The following ST8SIA5 variants were observed in gnomAD, a reference collection of about 807,000 sequenced individuals.
ST8SIA5 encodes the protein ST8 alpha-N-acetyl-neuraminide alpha-2,8-sialyltransferase 5, also known as alpha-2,8-sialyltransferase 8E.
ST8SIA5 carries 24 observed loss-of-function variants against 40.2 expected under a neutral mutation model. The observed-to-expected ratio is 0.60, with a 90% CI of 0.43 to 0.84. The LOEUF is 0.84. ST8SIA5 is among the 40% of genes least tolerant of loss of function. The pLI is 0.00. For missense variants in ST8SIA5, 465 were observed against 498.5 expected (o/e 0.93, Z 0.64); for synonymous variants, 198 against 201.8 (o/e 0.98, Z 0.16).
At chr18:46,752,137 G>A (rs571867319) in intron 1 of ST8SIA5, among the ~76,000 whole-genome samples, 2 of 152,194 alleles carry the variant, frequency 1.3e-5, no homozygotes, top group African/African-American at 2.4e-5. Flanking sequence ...GCTCAAACTC[G>A]GTTTCATCCC....
At chr18:46,751,361 G>GATTTATTT (rs35587275) in intron 1 of ST8SIA5, among the ~76,000 whole-genome samples, 1 of 150,778 alleles carries the variant, frequency 6.6e-6, no homozygotes, top group African/African-American at 2.4e-5. Flanking sequence ...AAGTAGAATG[G>GATTTATTT]ATTTATTTAT....
intron 1 of ST8SIA5, among the ~76,000 whole-genome samples, chr18:46,725,959 T>TAAA (rs72220502): frequency 0.026 from 445 of 17,096 alleles, 60 homozygotes; most frequent in East Asian, 0.036. Flanking sequence ...CATCTCTACT[T>TAAA]AAAAAAAAAA....
chr18:46,693,790 A>G (rs2039529754), intron 2 of ST8SIA5, among the ~76,000 whole-genome samples: 1 of 152,082 alleles, frequency 6.6e-6, no homozygotes, highest in Non-Finnish European at 1.5e-5. Context: ...ATAGTCGCTC[A>G]CCCTTCTTAT....
intron 5 of ST8SIA5, among the ~76,000 whole-genome samples, chr18:46,682,431 C>T (rs566626265): frequency 1.3e-5 from 2 of 152,304 alleles, no homozygotes; most frequent in African/African-American, 2.4e-5. Flanking sequence ...GGAAGCAATG[C>T]TTGAGCAGAG....
At chr18:46,712,304 C>T (rs2039740586) in intron 1 of ST8SIA5, among the ~76,000 whole-genome samples, 1 of 152,164 alleles carries the variant, frequency 6.6e-6, no homozygotes, top group Non-Finnish European at 1.5e-5. Context: ...CCACAGGCAC[C>T]CTAGCCAAGA....
At position 46,704,617 on chromosome 18, in the gene ST8SIA5, C is replaced by G. The variant is rs765662196; in HGVS notation, c.179G>C (p.Cys60Ser). The G allele has an allele frequency of 1.9e-6, 3 of 1,614,018 alleles. No homozygotes were observed. The African/African-American group carries it at 4.0e-5, about 22-fold the overall frequency. Residue 60 changes from cysteine to serine, a missense_variant, in exon 2 of 7, where the codon TGC (cysteine) becomes TCC (serine). Physicochemically the swap from Cys to Ser is moderately radical, Grantham distance 112 (BLOSUM62 -1). Transcript: ENST00000315087. ...EGPFEYNSTR[C>S]LELRHEILEV... ...CAATATTTCGTGCCTCAGCTCCAGG[C>G]ATCTTGTGGAGTTATATTCAAAAGG...
Position 46,756,280 on chromosome 18 carries a change from C to T in ST8SIA5, c.131+98G>A, listed in dbSNP as rs1011242983. ...GCTAGGAGCGGACCCCACGGCCACT[C>T]ACCCCGGGGCGCTGCGACCGAAGCT... On this transcript the variant is annotated intron_variant, in intron 1 of 6. Coordinates refer to ENST00000315087, the MANE Select transcript of ST8SIA5 (RefSeq NM_013305.6). 46 of 1,515,440 alleles carry T rather than the reference C, an allele frequency of 3.0e-5. 1 individual carries two copies. In the South Asian group the frequency reaches 5.9e-4, roughly 19 times the overall value. 93.9% of individuals were successfully genotyped at this position (1,515,440 alleles called of 1,614,324 possible).
At chr18:46,687,370 A>G (rs2039458568) in intron 4 of ST8SIA5, among the ~76,000 whole-genome samples, 1 of 152,218 alleles carries the variant, frequency 6.6e-6, no homozygotes, top group African/African-American at 2.4e-5. Context: ...TGCAAATCCT[A>G]AAACAGTTAC....
intron 5 of ST8SIA5, 85 bp from the exon 6 acceptor site, chr18:46,682,149 G>C (rs72915489): frequency 0.11 from 115,278 of 1,037,042 alleles, 7,526 homozygotes; most frequent in East Asian, 0.19. Context: ...GAGGGATGGT[G>C]ATCATGTGGG....
At chr18:46,689,572 AT>A (rs541590079) in intron 3 of ST8SIA5, among the ~76,000 whole-genome samples, 18,523 of 128,692 alleles carry the variant, frequency 0.14, 995 homozygotes, top group East Asian at 0.23. Flanking sequence ...ATGTTTTATG[AT>A]TTTTTTTTTT....
chr18:46,723,377 C>T (rs1247625140), intron 1 of ST8SIA5, among the ~76,000 whole-genome samples: 2 of 151,968 alleles, frequency 1.3e-5, no homozygotes, highest in Non-Finnish European at 2.9e-5. Flanking sequence ...CATGGTGAAA[C>T]CCCATCTCTA....
In ST8SIA5 at chr18:46,675,474, A is replaced by T. The variant is rs2039333765; in HGVS notation, c.*4568T>A. 1 of 152,206 alleles carries T rather than the reference A, an allele frequency of 6.6e-6. No individual in the cohort carries two copies. The highest frequency in any genetic ancestry group is 1.5e-5 in the Non-Finnish European group (1 of 68,042). 9.4% of individuals were successfully genotyped at this position (152,206 alleles called of 1,614,324 possible). Reference sequence around the variant, plus strand: ...AGTTGAGGACATGTTGAGGTCTGAGATGCTGTGCAGACACAGACATGCAGG... The same window carrying T: ...AGTTGAGGACATGTTGAGGTCTGAGTTGCTGTGCAGACACAGACATGCAGG... On this transcript the variant is annotated 3_prime_UTR_variant, in exon 7 of 7. Transcript: ENST00000315087.
In ST8SIA5 at chr18:46,672,534, G is replaced by C. The variant is rs1480581733; in HGVS notation, c.*7508C>G. The C allele has an allele frequency of 6.6e-6, 1 of 152,074 alleles. No individual in the cohort carries two copies. The highest frequency in any genetic ancestry group is 1.5e-5 in the Non-Finnish European group (1 of 68,022). 9.4% of individuals were successfully genotyped at this position (152,074 alleles called of 1,614,324 possible). A position where few individuals can be genotyped will look rare whatever the true frequency, so the allele number is the denominator to read the frequency against. ...CATGGGAACCATCTTCAACTGAAGA[G>C]AGAGTCACTGATTTCTGGCTTTTGT... On this transcript the variant is annotated 3_prime_UTR_variant, in exon 7 of 7. Coordinates refer to ENST00000315087, the MANE Select transcript of ST8SIA5 (RefSeq NM_013305.6).
intron 2 of ST8SIA5, among the ~76,000 whole-genome samples, chr18:46,693,902 C>T (rs922457365): frequency 1.3e-5 from 2 of 152,252 alleles, no homozygotes; most frequent in African/African-American, 4.8e-5. Context: ...TTACCTATCC[C>T]TATCTTTAGT....
chr18:46,697,536 C>A (rs958118944), intron 2 of ST8SIA5, among the ~76,000 whole-genome samples: 5 of 152,064 alleles, frequency 3.3e-5, no homozygotes. Context: ...CCCATCTCTA[C>A]AAAAAAATGT....
intron 2 of ST8SIA5, among the ~76,000 whole-genome samples, chr18:46,698,566 G>A (rs1039506718): frequency 2.6e-5 from 4 of 152,024 alleles, no homozygotes; most frequent in East Asian, 3.8e-4. Flanking sequence ...CCAACAACCC[G>A]TCACACCAAC....
chr18:46,703,439 C>A (rs1304560138), intron 2 of ST8SIA5, among the ~76,000 whole-genome samples: 1 of 152,148 alleles, frequency 6.6e-6, no homozygotes, highest in Non-Finnish European at 1.5e-5. Flanking sequence ...TACAGCAACC[C>A]TTAAAGGGTA....
chr18:46,692,182 C>T lies in ST8SIA5; in HGVS notation c.298G>A (p.Ala100Thr). 6.2e-7 allele frequency: 1 copy of T among 1,614,086 alleles called. No individual in the cohort carries two copies. The highest frequency in any genetic ancestry group is 8.5e-7 in the Non-Finnish European group (1 of 1,180,012). Reference protein sequence around the residue: ...MCKWAMNISEANQFKSTLSRC... With the variant: ...MCKWAMNISETNQFKSTLSRC... ...AATCATAGATACTTGAACTGGTTGG[C>T]CTCAGAGATGTTCATCGCCCATTTG... The change falls in exon 3 of 7, where the codon GCC (alanine) becomes ACC (threonine). Residue 100 changes from alanine to threonine, a missense_variant. Coordinates refer to ENST00000315087, the MANE Select transcript of ST8SIA5 (RefSeq NM_013305.6).
intron 5 of ST8SIA5, 39 bp downstream of exon 5, chr18:46,686,135 A>G (rs1453604618): frequency 6.3e-7 from 1 of 1,591,126 alleles, no homozygotes; most frequent in South Asian, 1.1e-5. Context: ...GGAGAGGGCC[A>G]TGGGGTAGTG....
Sources: allele counts gnomAD v4.1 joint callset (sites outside exome capture counted in the v4.1 genomes callset), GRCh38; gene constraint gnomAD v4.1.1; transcripts MANE v1.5; gene names NCBI Gene and HGNC (gene_info 2026-07-23, HGNC 2026-07-21).